The following PPFIA2 variants were observed in gnomAD, a reference collection of about 807,000 sequenced individuals.
The protein encoded by PPFIA2 is liprin-alpha-2.
A neutral mutation model predicts 175.5 loss-of-function variants in PPFIA2; 46 were observed. That is an observed-to-expected ratio of 0.26 (90% CI 0.21 to 0.34). The LOEUF (loss-of-function observed/expected upper bound fraction) is 0.34. Among genes scored for constraint, PPFIA2 ranks in the 10% least tolerant of loss-of-function variants. PPFIA2 has a pLI of 1.00. For synonymous variants in PPFIA2, 568 were observed against 511.4 expected, an observed-to-expected ratio of 1.11 and a Z score of -1.49; for missense variants, 1,179 against 1,506.1, an observed-to-expected ratio of 0.78 and a Z score of 3.60.
At chr12:81,736,163 G>C (rs932430967) in intron 3 of PPFIA2, among the ~76,000 whole-genome samples, 1 of 151,826 alleles carries the variant, frequency 6.6e-6, no homozygotes, top group Non-Finnish European at 1.5e-5. Context: ...GGGCATATAT[G>C]ACATCTTAAT....
chr12:81,415,213 ATATATATATATATATATAT>A (rs2044953042), intron 7 of PPFIA2, among the ~76,000 whole-genome samples: 2 of 20,470 alleles, frequency 9.8e-5, no homozygotes, highest in African/African-American at 1.9e-4. Context: ...AAAAAAAAAT[ATATATATATATATATATAT>A]ATATATATAT....
chr12:81,629,904 G>C (rs1313265509), intron 4 of PPFIA2, among the ~76,000 whole-genome samples: 2 of 152,150 alleles, frequency 1.3e-5, no homozygotes, highest in Non-Finnish European at 2.9e-5. Context: ...GGCCAAAAAA[G>C]TTTACAGATG....
chr12:81,561,844 T>G (rs2070167962), intron 4 of PPFIA2, among the ~76,000 whole-genome samples: 1 of 152,172 alleles, frequency 6.6e-6, no homozygotes. Flanking sequence ...AATTAACTGC[T>G]TAAGAGTTGA....
intron 5 of PPFIA2, among the ~76,000 whole-genome samples, chr12:81,449,560 G>A (rs952172556): frequency 2.6e-5 from 4 of 151,506 alleles, no homozygotes; most frequent in Non-Finnish European, 5.9e-5. Flanking sequence ...TGCTCCCAGG[G>A]ACCCCGGATT....
chr12:81,596,209 A>G (rs1355871573), intron 4 of PPFIA2, among the ~76,000 whole-genome samples: 2 of 151,690 alleles, frequency 1.3e-5, no homozygotes, highest in Non-Finnish European at 2.9e-5. Context: ...TAATCATTTA[A>G]TTCTTTCTTT....
chr12:81,414,533 T>C (rs2044589995), intron 7 of PPFIA2, among the ~76,000 whole-genome samples: 1 of 151,732 alleles, frequency 6.6e-6, no homozygotes, highest in Non-Finnish European at 1.5e-5. Context: ...CATTCTCATG[T>C]TTTTAAATTA....
At chr12:81,307,710 A>C (rs1018778639) in intron 22 of PPFIA2, among the ~76,000 whole-genome samples, 1 of 151,964 alleles carries the variant, frequency 6.6e-6, no homozygotes, top group Non-Finnish European at 1.5e-5. Flanking sequence ...TTTTTGTAAG[A>C]CTCACCTGTT....
In PPFIA2 at chr12:81,632,763, A is replaced by C. The variant is rs755065714; in HGVS notation, c.303+44028T>G. Among the ~76,000 whole-genome samples the C allele has an allele frequency of 4.6e-5, 7 of 151,884 alleles. 1 individual carries two copies. Among genetic ancestry groups the C allele is most frequent in the Non-Finnish European group, 5.9e-5 (4 of 68,014 alleles). ...TTTTAGTGTCTGAGCCAAAAAAGCA[A>C]ATCAGGATGTGTATAAGGGGTCCCG... On this transcript the variant is annotated intron_variant, in intron 4 of 32. Transcript: ENST00000549396.
At position 81,464,956 on chromosome 12, in the gene PPFIA2, GA is replaced by G. The variant is rs199558518; in HGVS notation, c.304-7091del. Among the ~76,000 whole-genome samples the G allele has an allele frequency of 7.9e-4, 119 of 151,056 alleles. No individual in the cohort carries two copies. In the Middle Eastern group the frequency reaches 0.01, roughly 13 times the overall value. ...TGCTTACTTGAGGAGGTTTAATTGA[GA>G]AAAAAAATGACATATTTTCTCATTT... is the stretch of plus-strand genomic sequence containing the variant. On this transcript the variant is annotated intron_variant, in intron 4 of 32. Coordinates refer to ENST00000549396, the MANE Select transcript of PPFIA2 (RefSeq NM_003625.5).
chr12:81,687,151 T>C (rs1279214277), intron 3 of PPFIA2, among the ~76,000 whole-genome samples: 1 of 152,070 alleles, frequency 6.6e-6, no homozygotes, highest in Non-Finnish European at 1.5e-5. Flanking sequence ...AATGCAAATA[T>C]AGACAGGTTA....
At chr12:81,449,305 A>G (rs541955033) in intron 5 of PPFIA2, among the ~76,000 whole-genome samples, 2 of 152,262 alleles carry the variant, frequency 1.3e-5, no homozygotes, top group South Asian at 2.1e-4. Context: ...CCAGCTATTC[A>G]CCATGAAGCA....
At chr12:81,647,725 C>T (rs2066354454) in intron 4 of PPFIA2, among the ~76,000 whole-genome samples, 1 of 148,518 alleles carries the variant, frequency 6.7e-6, no homozygotes, top group Non-Finnish European at 1.5e-5. Context: ...CGTGCCACTA[C>T]ACTCCAGCCT....
chr12:81,539,698 T>C (rs1322547741), intron 4 of PPFIA2, among the ~76,000 whole-genome samples: 2 of 151,954 alleles, frequency 1.3e-5, no homozygotes, highest in African/African-American at 4.8e-5. Context: ...TCTCCTTAAA[T>C]GTTAATACAG....
chr12:81,560,980 G>A (rs2069937679), intron 4 of PPFIA2, among the ~76,000 whole-genome samples: 1 of 152,024 alleles, frequency 6.6e-6, no homozygotes, highest in Admixed American at 6.5e-5. Context: ...TTAAATCAAT[G>A]AGCTTTGTTC....
intron 16 of PPFIA2, among the ~76,000 whole-genome samples, chr12:81,355,043 A>C (rs117950542): frequency 1.3e-5 from 2 of 152,112 alleles, no homozygotes; most frequent in African/African-American, 4.8e-5. Context: ...CTTTGCCCCA[A>C]TCCATCAGAG....
intron 4 of PPFIA2, among the ~76,000 whole-genome samples, chr12:81,543,268 G>A (rs771796954): frequency 9.5e-4 from 145 of 152,138 alleles, no homozygotes; most frequent in South Asian, 1.0e-3. Flanking sequence ...AGTGCCAGAA[G>A]TGCTAAAAAC....
intron 5 of PPFIA2, among the ~76,000 whole-genome samples, chr12:81,456,658 A>C (rs2053614632): frequency 6.6e-6 from 1 of 152,212 alleles, no homozygotes. Context: ...ACATCCACAT[A>C]GAAGTGGTTT....
intron 9 of PPFIA2, among the ~76,000 whole-genome samples, chr12:81,380,557 T>C (rs907643309): frequency 7.9e-5 from 12 of 152,126 alleles, no homozygotes; most frequent in African/African-American, 2.9e-4. Flanking sequence ...GATCCAAATA[T>C]TGATTATTTA....
chr12:81,514,792 C>T (rs185497450), intron 4 of PPFIA2, among the ~76,000 whole-genome samples: 294 of 151,868 alleles, frequency 1.9e-3, no homozygotes, highest in African/African-American at 6.7e-3. Context: ...TACCTTTATT[C>T]CTTGTTTAAA....
Sources: gnomAD v4.1 joint callset for allele counts (sites outside exome capture counted in the v4.1 genomes callset) on GRCh38, gnomAD v4.1.1 for gene constraint, MANE v1.5 for transcripts, NCBI Gene and HGNC (gene_info 2026-07-23, HGNC 2026-07-21) for gene names.